STOX2: variants seen among roughly 807,000 people sequenced by gnomAD.
STOX2 encodes storkhead-box protein 2.
STOX2 carries 28 observed loss-of-function variants against 60.9 expected under a neutral mutation model. That is an observed-to-expected ratio of 0.46 (90% CI 0.34 to 0.63). The LOEUF is 0.63. Among genes scored for constraint, STOX2 ranks in the 30% least tolerant of loss-of-function variants. The probability of loss-of-function intolerance (pLI) is 0.01; values close to 1 mark genes in which losing one functional copy is unlikely to be tolerated. For synonymous variants in STOX2, 472 were observed against 463.9 expected, an observed-to-expected ratio of 1.02 and a Z score of -0.22; for missense variants, 1,024 against 1,187.7, an observed-to-expected ratio of 0.86 and a Z score of 2.03.
chr4:183,908,379 C>A (rs1741677842), intron 1 of STOX2, among the ~76,000 whole-genome samples: 1 of 152,136 alleles, frequency 6.6e-6, no homozygotes. Context: ...GTACATAAAC[C>A]CATTGCTGCA....
At chr4:183,862,998 C>A (rs1175314640) in intron 1 of STOX2, among the ~76,000 whole-genome samples, 1 of 152,170 alleles carries the variant, frequency 6.6e-6, no homozygotes, top group Non-Finnish European at 1.5e-5. Context: ...GCCCACCAAT[C>A]TCACTGGGGA....
intron 1 of STOX2, among the ~76,000 whole-genome samples, chr4:183,909,177 C>T (rs1236083254): frequency 6.6e-6 from 1 of 152,160 alleles, no homozygotes; most frequent in Admixed American, 6.5e-5. Context: ...TGTGTATCTT[C>T]ATCTATTTCC....
chr4:183,913,538 C>T (rs896149703), intron 1 of STOX2, among the ~76,000 whole-genome samples: 1 of 151,960 alleles, frequency 6.6e-6, no homozygotes, highest in Non-Finnish European at 1.5e-5. Context: ...TTTGGGAGGG[C>T]GAGGCGGGCA....
At chr4:183,990,366 T>C (rs1733050144) in intron 1 of STOX2, among the ~76,000 whole-genome samples, 1 of 152,174 alleles carries the variant, frequency 6.6e-6, no homozygotes, top group Admixed American at 6.5e-5. Flanking sequence ...ATAGCTCTTC[T>C]AAGGGTGTTT....
intron 1 of STOX2, among the ~76,000 whole-genome samples, chr4:183,928,897 G>A (rs1742323225): frequency 6.6e-6 from 1 of 152,122 alleles, no homozygotes; most frequent in South Asian, 2.1e-4. Context: ...ACAGCTGCTG[G>A]TGATAAGAAA....
In STOX2 at chr4:184,010,542, C is replaced by T. The variant is rs370076820; in HGVS notation, c.1704C>T (p.Ser568=). The T allele has an allele frequency of 6.6e-5, 107 of 1,613,716 alleles. 1 individual carries two copies. The Middle Eastern group carries it at 2.5e-3, about 37-fold the overall frequency. Residue 568 remains serine (S), a synonymous_variant, in exon 3 of 4, where the codon AGC becomes AGT. Coordinates refer to ENST00000308497, the MANE Select transcript of STOX2 (RefSeq NM_020225.3). The surrounding 1 kb of genome is among the most constrained non-coding windows in gnomAD (Gnocchi z 4.5). ...TCAGTGGCAGCAAGGAACCGTCCAG[C>T]GCTTGCAGCCTTTTGGAGCCAGGAA... ...EIVSGSKEPS[S]ACSLLEPGKP... is the part of the protein sequence containing the mutation.
intron 1 of STOX2, among the ~76,000 whole-genome samples, chr4:183,859,303 G>A (rs748584131): frequency 2.0e-5 from 3 of 152,166 alleles, no homozygotes; most frequent in African/African-American, 4.8e-5. Context: ...AGCTCCTACC[G>A]CAGTAGGGCA....
At chr4:183,845,798 T>G (rs1333672604) in intron 1 of STOX2, among the ~76,000 whole-genome samples, 1 of 152,240 alleles carries the variant, frequency 6.6e-6, no homozygotes, top group East Asian at 1.9e-4. Context: ...TTTGTAACTT[T>G]TATGTGGTTA....
intron 1 of STOX2, among the ~76,000 whole-genome samples, chr4:183,817,795 C>T (rs1296975043): frequency 3.9e-5 from 6 of 152,082 alleles, no homozygotes; most frequent in Admixed American, 6.5e-5. Context: ...GAACTCCAAG[C>T]GAGGTTTGGG....
At chr4:183,857,484 C>G (rs188651337) in intron 1 of STOX2, among the ~76,000 whole-genome samples, 9 of 152,258 alleles carry the variant, frequency 5.9e-5, no homozygotes, top group Non-Finnish European at 1.0e-4. Flanking sequence ...GCCTGGATTC[C>G]CAGCCTTCCA....
chr4:183,872,380 A>C (rs1740714166), intron 1 of STOX2, among the ~76,000 whole-genome samples: 1 of 152,148 alleles, frequency 6.6e-6, no homozygotes, highest in Non-Finnish European at 1.5e-5. Flanking sequence ...GACCTTGTTC[A>C]AGATGACTGC....
intron 1 of STOX2, among the ~76,000 whole-genome samples, chr4:183,987,102 G>A (rs768028404): frequency 3.3e-5 from 5 of 152,180 alleles, no homozygotes; most frequent in African/African-American, 7.2e-5. Flanking sequence ...CGGAGGCAGC[G>A]AGCGGTGCCT....
At chr4:183,878,693 ACT>A (rs1740885003) in intron 1 of STOX2, among the ~76,000 whole-genome samples, 1 of 152,172 alleles carries the variant, frequency 6.6e-6, no homozygotes. Flanking sequence ...ACTTTGAAGG[ACT>A]CTGCCTTCTC....
At chr4:183,926,116 C>T (rs962748038) in intron 1 of STOX2, among the ~76,000 whole-genome samples, 1 of 152,036 alleles carries the variant, frequency 6.6e-6, no homozygotes, top group African/African-American at 2.4e-5. Context: ...TCTGTATTTC[C>T]ATCACCTATA....
chr4:183,954,000 A>G (rs561956119), intron 1 of STOX2, among the ~76,000 whole-genome samples: 21 of 152,290 alleles, frequency 1.4e-4, no homozygotes, highest in African/African-American at 4.8e-4. Context: ...ACTCTTGCAG[A>G]GCTAAGACTG....
chr4:183,979,787 A>G (rs375533763), intron 1 of STOX2, among the ~76,000 whole-genome samples: 6 of 152,260 alleles, frequency 3.9e-5, no homozygotes, highest in Admixed American at 2.0e-4. Context: ...GTAAAAGGAG[A>G]AAAACTGAGA....
At chr4:183,807,951 C>T (rs914078155) in intron 1 of STOX2, among the ~76,000 whole-genome samples, 4 of 152,196 alleles carry the variant, frequency 2.6e-5, no homozygotes, top group Non-Finnish European at 4.4e-5. Context: ...GCCTGCGGGG[C>T]GGGCTGAGCT....
At chr4:183,831,030 G>A (rs954924426) in intron 1 of STOX2, among the ~76,000 whole-genome samples, 1 of 151,912 alleles carries the variant, frequency 6.6e-6, no homozygotes, top group Non-Finnish European at 1.5e-5. Flanking sequence ...TTAGTCCTCG[G>A]CGGAGATGGC....
intron 1 of STOX2, among the ~76,000 whole-genome samples, chr4:183,815,387 A>C (rs1739132008): frequency 6.6e-6 from 1 of 152,208 alleles, no homozygotes; most frequent in South Asian, 2.1e-4. Flanking sequence ...AAAATGTATC[A>C]GTCTAATGAT....
Sources: allele counts gnomAD v4.1 joint callset (sites outside exome capture counted in the v4.1 genomes callset), GRCh38; gene constraint gnomAD v4.1.1; non-coding constraint Gnocchi (gnomAD v3.1); transcripts MANE v1.5; gene names NCBI Gene and HGNC (gene_info 2026-07-23, HGNC 2026-07-21).